LSAMP: variants seen among roughly 807,000 people sequenced by gnomAD.
The protein encoded by LSAMP is limbic system-associated membrane protein.
A neutral mutation model predicts 38.6 loss-of-function variants in LSAMP; 7 were observed. The observed-to-expected ratio is 0.18, with a 90% CI of 0.10 to 0.34. LSAMP has a LOEUF of 0.34. LSAMP is among the 10% of genes least tolerant of loss of function. The pLI is 1.00. For synonymous variants in LSAMP, 154 were observed against 166.8 expected (o/e 0.92, Z 0.59); for missense variants, 313 against 420.0 (o/e 0.75, Z 2.23).
At chr3:116,255,940 G>A (rs1251299258) in intron 1 of LSAMP, among the ~76,000 whole-genome samples, 1 of 152,058 alleles carries the variant, frequency 6.6e-6, no homozygotes, top group East Asian at 1.9e-4. Context: ...AATAATAATG[G>A]AAATAGTCAG....
chr3:115,953,934 G>A (rs953501454), intron 3 of LSAMP, among the ~76,000 whole-genome samples: 34 of 152,228 alleles, frequency 2.2e-4, no homozygotes, highest in African/African-American at 7.5e-4. Flanking sequence ...CAGGTCAAAT[G>A]TCTCGTTCTG....
intron 2 of LSAMP, among the ~76,000 whole-genome samples, chr3:116,066,039 A>G (rs1453271277): frequency 6.6e-6 from 1 of 152,236 alleles, no homozygotes; most frequent in Non-Finnish European, 1.5e-5. Context: ...AATACCATAG[A>G]CAGTGACTTA....
chr3:115,804,097 A>G lies in LSAMP; in HGVS notation c.*6220T>C, dbSNP rs1328182680. On this transcript the variant is annotated 3_prime_UTR_variant, in exon 7 of 7. Transcript: ENST00000490035. Reference sequence around the variant, plus strand: ...GAATGTGTCCCTTCTCTACACTGCTATAAAGTTTTGATCAGAAAAAATTTA... The same window carrying G: ...GAATGTGTCCCTTCTCTACACTGCTGTAAAGTTTTGATCAGAAAAAATTTA... 2 of 152,328 alleles carry G rather than the reference A, an allele frequency of 1.3e-5. No individual in the cohort carries two copies. Among genetic ancestry groups the G allele is most frequent in the South Asian group, 4.1e-4 (2 of 4,828 alleles). 9.4% of individuals were successfully genotyped at this position (152,328 alleles called of 1,614,324 possible).
In LSAMP at chr3:115,973,562, G is replaced by A. The variant is rs564143469; in HGVS notation, c.514+45953C>T. 9.7e-4 allele frequency among the ~76,000 whole-genome samples: 148 copies of A among 152,054 alleles called. 4 individuals carry two copies. Among genetic ancestry groups the A allele is most frequent in the Admixed American group, 7.9e-4 (12 of 15,276 alleles). ...AGCCTGCTCCACATGGCGAAATGCC[G>A]TCTCTACTAAAAATATAAAAAGTTA... On this transcript the variant is annotated intron_variant, in intron 3 of 6. Transcript: ENST00000490035.
intron 1 of LSAMP, among the ~76,000 whole-genome samples, chr3:116,218,343 T>G (rs978659135): frequency 1.3e-5 from 2 of 152,182 alleles, no homozygotes; most frequent in African/African-American, 4.8e-5. Context: ...TGTGACAGGC[T>G]TTATCTGATG....
intron 6 of LSAMP, among the ~76,000 whole-genome samples, chr3:115,835,640 A>G (rs989978095): frequency 2.0e-5 from 3 of 152,254 alleles, no homozygotes; most frequent in African/African-American, 7.2e-5. Flanking sequence ...GCATATGTGC[A>G]TATTCAAATC....
intron 1 of LSAMP, among the ~76,000 whole-genome samples, chr3:116,307,413 T>TA (rs2107713106): frequency 6.6e-6 from 1 of 152,160 alleles, no homozygotes; most frequent in South Asian, 2.1e-4. Context: ...TTCAAGACTC[T>TA]AAATGGAGCC....
chr3:116,335,649 G>A (rs1173511958), intron 1 of LSAMP, among the ~76,000 whole-genome samples: 4 of 152,112 alleles, frequency 2.6e-5, no homozygotes, highest in Middle Eastern at 3.4e-3. Context: ...TCTATCATAC[G>A]TGAAAATTAT....
At chr3:115,849,598 A>G (rs1356344067) in intron 4 of LSAMP, among the ~76,000 whole-genome samples, 1 of 152,140 alleles carries the variant, frequency 6.6e-6, no homozygotes, top group Non-Finnish European at 1.5e-5. Flanking sequence ...TTTGAAAAGG[A>G]AGCAGAATCA....
rs71616346 is a variant in LSAMP at position 116,273,709 on chromosome 3, C to CAT, written c.155+171167_155+171168insAT. ...ATATATATATATATATATATATATA[C>CAT]ACACACACACACACGTATATATGTA... On this transcript the variant is annotated intron_variant, in intron 1 of 6. Coordinates refer to ENST00000490035, the MANE Select transcript of LSAMP (RefSeq NM_002338.5). Among the ~76,000 whole-genome samples the CAT allele has an allele frequency of 6.7e-5, 5 of 74,712 alleles. No individual in the cohort carries two copies. In the South Asian group the frequency reaches 1.8e-3, roughly 27 times the overall value. The allele number at this position is 74,712 out of a possible 152,430, so 49.0% of individuals were successfully genotyped here. A position where few individuals can be genotyped will look rare whatever the true frequency, so the allele number is the denominator to read the frequency against.
At chr3:116,195,782 A>C (rs1483133369) in intron 1 of LSAMP, among the ~76,000 whole-genome samples, 1 of 151,782 alleles carries the variant, frequency 6.6e-6, no homozygotes, top group Non-Finnish European at 1.5e-5. Context: ...AGATTTTTTC[A>C]TAGATCGATT....
intron 1 of LSAMP, among the ~76,000 whole-genome samples, chr3:116,232,970 C>T (rs1440258337): frequency 3.9e-4 from 59 of 152,138 alleles, no homozygotes; most frequent in Non-Finnish European, 2.4e-4. Context: ...CCAACCCCAA[C>T]CAGCCTTTCT....
intron 1 of LSAMP, among the ~76,000 whole-genome samples, chr3:116,137,547 A>G (rs151180667): frequency 2.6e-5 from 4 of 152,154 alleles, no homozygotes; most frequent in African/African-American, 9.7e-5. Flanking sequence ...GGATTTACAT[A>G]TAACATATAC....
At chr3:116,417,671 C>G (rs148575842) in intron 1 of LSAMP, among the ~76,000 whole-genome samples, 1 of 152,164 alleles carries the variant, frequency 6.6e-6, no homozygotes, top group Admixed American at 6.5e-5. Flanking sequence ...GTTTGGCTTA[C>G]ATCTTGGCCA....
At chr3:116,258,165 C>CCTAAA (rs1160521726) in intron 1 of LSAMP, among the ~76,000 whole-genome samples, 2 of 152,026 alleles carry the variant, frequency 1.3e-5, no homozygotes, top group African/African-American at 4.8e-5. Flanking sequence ...TCTTTGGCCT[C>CCTAAA]CTAAACTAAA....
intron 1 of LSAMP, among the ~76,000 whole-genome samples, chr3:116,143,615 T>A (rs1360908596): frequency 3.9e-5 from 6 of 152,076 alleles, no homozygotes; most frequent in Non-Finnish European, 8.8e-5. Context: ...AAATTAAAAG[T>A]CTACTGTATT....
At chr3:116,107,142 A>G (rs1439164387) in intron 1 of LSAMP, among the ~76,000 whole-genome samples, 1 of 152,130 alleles carries the variant, frequency 6.6e-6, no homozygotes, top group South Asian at 2.1e-4. Context: ...TATCAGGCGG[A>G]TCAGAGAGAT....
intron 1 of LSAMP, among the ~76,000 whole-genome samples, chr3:116,143,190 T>G (rs1309961700): frequency 6.6e-6 from 1 of 151,822 alleles, no homozygotes; most frequent in Non-Finnish European, 1.5e-5. Flanking sequence ...TAGTTCCTAT[T>G]GACCACTTTC....
chr3:116,176,610 G>A lies in LSAMP; in HGVS notation c.156-90054C>T, dbSNP rs374530642. Among the ~76,000 whole-genome samples the A allele has an allele frequency of 2.4e-4, 37 of 152,210 alleles. 1 individual carries two copies. The highest frequency in any genetic ancestry group is 8.7e-4 in the African/African-American group (36 of 41,534). On this transcript the variant is annotated intron_variant, in intron 1 of 6. Transcript: ENST00000490035. ...AACACAAGCTCCATTAGATAATAAG[G>A]TACATAATGATGGGAACCATACCAA...
Sources: allele counts gnomAD v4.1 joint callset (sites outside exome capture counted in the v4.1 genomes callset), GRCh38; gene constraint gnomAD v4.1.1; transcripts MANE v1.5; gene names NCBI Gene and HGNC (gene_info 2026-07-23, HGNC 2026-07-21).